SORD: variants seen among roughly 807,000 people sequenced by gnomAD.
SORD encodes the protein sorbitol dehydrogenase, also known as (R,R)-butanediol dehydrogenase.
Under a neutral mutation model 35.6 loss-of-function variants are expected in SORD, and 18 were observed. The ratio of observed to expected loss-of-function variants is 0.51; its 90% CI spans 0.35 to 0.75. The LOEUF (loss-of-function observed/expected upper bound fraction) is 0.75. SORD is among the 30% of genes least tolerant of loss of function. The probability of loss-of-function intolerance (pLI) is 0.01; values close to 1 mark genes in which losing one functional copy is unlikely to be tolerated. For missense variants in SORD, 250 were observed against 390.2 expected (o/e 0.64, Z 3.03); for synonymous variants, 106 against 152.9 (o/e 0.69, Z 2.26).
intron 1 of SORD, among the ~76,000 whole-genome samples, chr15:45,031,012 T>C (rs1327443122): frequency 6.6e-6 from 1 of 152,244 alleles, no homozygotes; most frequent in Non-Finnish European, 1.5e-5. Flanking sequence ...GCAAATATAT[T>C]CAACACACAC....
At chr15:45,061,273 C>T (rs780537068) in intron 4 of SORD, 47 bp downstream of exon 4, 7 of 1,597,848 alleles carry the variant, frequency 4.4e-6, no homozygotes, top group Non-Finnish European at 6.0e-6. Context: ...TCTTTCCCTT[C>T]ATTAGCTTGG....
At chr15:45,067,926 A>G (rs2854443) in intron 5 of SORD, among the ~76,000 whole-genome samples, 106,494 of 152,174 alleles carry the variant, frequency 0.7, 42,943 homozygotes, top group South Asian at 0.9. Context: ...AGGAGTAAGT[A>G]GGAAAATTTT....
At chr15:45,068,053 T>C (rs1404648578) in intron 5 of SORD, 128 bp from the exon 6 acceptor site, 3 of 736,948 alleles carry the variant, frequency 4.1e-6, no homozygotes, top group Admixed American at 1.9e-5. Flanking sequence ...GCTAAGGTCT[T>C]ATCATGCCAG....
intron 4 of SORD, among the ~76,000 whole-genome samples, chr15:45,065,042 G>A (rs149816500): frequency 0.01 from 1,536 of 152,242 alleles, 33 homozygotes; most frequent in African/African-American, 0.036. Context: ...AACCCACCAC[G>A]CCTGTTTCCT....
At chr15:45,066,297 A>G (rs1224414788) in intron 5 of SORD, among the ~76,000 whole-genome samples, 1 of 147,946 alleles carries the variant, frequency 6.8e-6, no homozygotes, top group Admixed American at 6.7e-5. Context: ...TGAACCCTTG[A>G]TGGGAAACTA....
intron 1 of SORD, among the ~76,000 whole-genome samples, chr15:45,030,023 A>G (rs1380001238): frequency 6.6e-6 from 1 of 152,258 alleles, no homozygotes; most frequent in African/African-American, 2.4e-5. Flanking sequence ...AGGAAAGGTT[A>G]GGTATATGTA....
chr15:45,072,611 G>T (rs56194896), intron 8 of SORD, among the ~76,000 whole-genome samples, 173 bp downstream of exon 8: 1 of 146,484 alleles, frequency 6.8e-6, no homozygotes, highest in Non-Finnish European at 1.5e-5. Flanking sequence ...CTCACTGCCA[G>T]TTAAAGAATG....
chr15:45,027,783 T>C (rs1396135644), intron 1 of SORD, among the ~76,000 whole-genome samples: 3 of 152,276 alleles, frequency 2.0e-5, no homozygotes, highest in African/African-American at 7.2e-5. Flanking sequence ...AATTAGTTTT[T>C]ACCCCATAGA....
chr15:45,071,564 A>G (rs1893513933), intron 7 of SORD, among the ~76,000 whole-genome samples: 1 of 152,204 alleles, frequency 6.6e-6, no homozygotes, highest in Middle Eastern at 3.2e-3. Flanking sequence ...GCTGCTGACT[A>G]TAATGAACAA....
intron 3 of SORD, among the ~76,000 whole-genome samples, chr15:45,055,351 A>C (rs1250450705): frequency 6.6e-6 from 1 of 152,244 alleles, no homozygotes; most frequent in Non-Finnish European, 1.5e-5. Flanking sequence ...ATCAGAGAAT[A>C]TTACAAACAC....
intron 3 of SORD, among the ~76,000 whole-genome samples, chr15:45,060,398 T>G (rs1893283381): frequency 6.6e-6 from 1 of 152,104 alleles, no homozygotes; most frequent in African/African-American, 2.4e-5. Context: ...AGGCTGGGTT[T>G]CCAAGCAGGT....
At chr15:45,037,077 A>C (rs1430051677) in intron 1 of SORD, among the ~76,000 whole-genome samples, 1 of 152,238 alleles carries the variant, frequency 6.6e-6, no homozygotes, top group Non-Finnish European at 1.5e-5. Context: ...CTCAGGTAGC[A>C]TGTCTCCTAC....
At chr15:45,036,374 T>A (rs1406303722) in intron 1 of SORD, 1 of 455,962 alleles carries the variant, frequency 2.2e-6, no homozygotes, top group East Asian at 6.9e-5. Context: ...TTCCTTTTAG[T>A]CCTCTTGTAG....
intron 5 of SORD, among the ~76,000 whole-genome samples, 178 bp downstream of exon 5, chr15:45,065,567 C>T (rs182213500): frequency 1.4e-4 from 21 of 152,308 alleles, no homozygotes; most frequent in African/African-American, 2.9e-4. Context: ...TGAGTATCTG[C>T]AGACATGATA....
intron 3 of SORD, among the ~76,000 whole-genome samples, chr15:45,058,295 T>C (rs1298479050): frequency 1.3e-5 from 2 of 152,154 alleles, no homozygotes; most frequent in Non-Finnish European, 2.9e-5. Flanking sequence ...CCCTATGTGA[T>C]GGCTAGGTCT....
rs1431341935 is a variant in SORD at position 45,023,318 on chromosome 15, T to TG, written c.37dup (p.Val13GlyfsTer17). 1.3e-6 allele frequency: 2 copies of TG among 1,591,588 alleles called. No individual in the cohort carries two copies. The highest frequency in any genetic ancestry group is 2.3e-5 in the South Asian group (2 of 87,282). On this transcript the variant is annotated frameshift_variant, in exon 1 of 9. Coordinates refer to ENST00000267814, the MANE Select transcript of SORD (RefSeq NM_003104.6). LOFTEE classifies it high-confidence loss of function. The stretch of plus-strand genomic sequence containing the variant: ...GCGGCCAAGCCCAACAACCTTTCCC[T>TG]GGTGGTGCACGGACCGGGGGACTTG...
intron 7 of SORD, among the ~76,000 whole-genome samples, chr15:45,071,639 G>A (rs905052428): frequency 6.6e-6 from 1 of 151,652 alleles, no homozygotes; most frequent in African/African-American, 2.4e-5. Flanking sequence ...TCCCCAGAAA[G>A]CTCTGGAACA....
At chr15:45,068,035 A>C (rs1228224809) in intron 5 of SORD, 146 bp from the exon 6 acceptor site, 4 of 675,358 alleles carry the variant, frequency 5.9e-6, no homozygotes, top group Non-Finnish European at 1.1e-5. Context: ...TGCATTCAAC[A>C]AACAGCCGCT....
chr15:45,072,669 G>T (rs1267083013), intron 8 of SORD, among the ~76,000 whole-genome samples: 1 of 146,300 alleles, frequency 6.8e-6, no homozygotes, highest in Non-Finnish European at 1.5e-5. Context: ...GGATTTTGAA[G>T]CATAGTCTTA....
Sources: gnomAD v4.1 joint callset for allele counts (sites outside exome capture counted in the v4.1 genomes callset) on GRCh38, gnomAD v4.1.1 for gene constraint, MANE v1.5 for transcripts, NCBI Gene and HGNC (gene_info 2026-07-23, HGNC 2026-07-21) for gene names.